Variants in NUB1 observed in about 807,000 individuals in gnomAD.
The protein encoded by NUB1 is NEDD8 ultimate buster 1.
A neutral mutation model predicts 77.1 loss-of-function variants in NUB1; 41 were observed. That is an observed-to-expected ratio of 0.53 (90% CI 0.41 to 0.69). The LOEUF is 0.69. NUB1 is among the 30% of genes least tolerant of loss of function. NUB1 has a pLI of 0.00. For synonymous variants in NUB1, 257 were observed against 281.0 expected (o/e 0.91, Z 0.85); for missense variants, 643 against 743.8 (o/e 0.86, Z 1.58).
Position 151,377,069 on chromosome 7 carries a change from C to T in NUB1, c.1692C>T (p.Asp564=), listed in dbSNP as rs747335922. 2.9e-5 allele frequency: 46 copies of T among 1,565,408 alleles called. No individual in the cohort carries two copies. Among genetic ancestry groups the T allele is most frequent in the Non-Finnish European group, 3.8e-5 (44 of 1,157,612 alleles). The change falls in exon 15 of 15, where the codon GAC becomes GAT. Residue 564 remains aspartate (D), a synonymous_variant. Transcript: ENST00000568733. Reference sequence around the variant, plus strand: ...TAGGAACCTCTAGTGCCTCAACAGACGAAGACATGGAGACAGAGGCCGTCA... The same window carrying T: ...TAGGAACCTCTAGTGCCTCAACAGATGAAGACATGGAGACAGAGGCCGTCA... ...DSAGTSSAST[D]EDMETEAVNE... is the part of the protein sequence containing the mutation.
At chr7:151,351,231 C>T (rs974575123) in intron 3 of NUB1, 193 bp from the exon 4 acceptor site, 1 of 567,842 alleles carries the variant, frequency 1.8e-6, no homozygotes, top group African/African-American at 1.9e-5. Flanking sequence ...GCTGCCGCCC[C>T]CTTGAGGACG....
In NUB1 at chr7:151,356,143, T is replaced by C. The variant is rs1386746091; in HGVS notation, c.614T>C (p.Val205Ala). 2 of 1,613,648 alleles carry C rather than the reference T, an allele frequency of 1.2e-6. No homozygotes were observed. Among genetic ancestry groups the C allele is most frequent in the African/African-American group, 1.3e-5 (1 of 74,934 alleles). ...ILAKRAAETV[V>A]DPEMTPYLDI... ...TTTGTTACAGCAGCAGAGACAGTGGTGGATCCAGAAATGACACCGTACTTA... is the reference window on the plus strand; with the variant it reads ...TTTGTTACAGCAGCAGAGACAGTGGCGGATCCAGAAATGACACCGTACTTA... Residue 205 changes from valine to alanine, a missense_variant, in exon 7 of 15, where the codon GTG (valine) becomes GCG (alanine). Val to Ala is a moderately conservative substitution (Grantham distance 64). Transcript: ENST00000568733.
At chr7:151,367,523 G>C (rs911410373) in intron 9 of NUB1, among the ~76,000 whole-genome samples, 2 of 152,160 alleles carry the variant, frequency 1.3e-5, no homozygotes, top group African/African-American at 2.4e-5. Context: ...GGATTTTTCT[G>C]ATTTCCCCAA....
intron 12 of NUB1, among the ~76,000 whole-genome samples, chr7:151,375,470 C>T (rs563856433): frequency 5.3e-5 from 8 of 152,200 alleles, no homozygotes; most frequent in Non-Finnish European, 1.2e-4. Flanking sequence ...AACCCTACTA[C>T]CTGCCTGACA....
At chr7:151,373,702 G>A (rs77294339) in intron 11 of NUB1, among the ~76,000 whole-genome samples, 4,432 of 152,270 alleles carry the variant, frequency 0.029, 89 homozygotes, top group Non-Finnish European at 0.048. Flanking sequence ...CCTTCCCACC[G>A]CGTGCAGAAG....
chr7:151,366,874 G>A, intron 8 of NUB1, 65 bp from the exon 9 acceptor site: 2 of 1,338,168 alleles, frequency 1.5e-6, no homozygotes, highest in Non-Finnish European at 2.0e-6. Flanking sequence ...TCACAAAAAG[G>A]TTTCAAATGC....
chr7:151,374,982 T>A (rs1460636034), intron 12 of NUB1, among the ~76,000 whole-genome samples: 1 of 121,152 alleles, frequency 8.3e-6, no homozygotes, highest in Non-Finnish European at 1.7e-5. Flanking sequence ...GGAAGCAGAG[T>A]GGTAGGAGCT....
intron 11 of NUB1, among the ~76,000 whole-genome samples, chr7:151,373,071 C>T (rs990324572): frequency 1.3e-5 from 2 of 152,090 alleles, no homozygotes; most frequent in Non-Finnish European, 1.5e-5. Context: ...GAGATGAGGC[C>T]GCTTTCCTGC....
intron 3 of NUB1, 196 bp from the exon 4 acceptor site, chr7:151,351,228 C>A: frequency 1.8e-6 from 1 of 560,350 alleles, no homozygotes; most frequent in Non-Finnish European, 3.2e-6. Context: ...CACGCTGCCG[C>A]CCCCTTGAGG....
intron 3 of NUB1, 177 bp from the exon 4 acceptor site, chr7:151,351,247 G>A (rs1330520459): frequency 3.3e-6 from 2 of 600,500 alleles, no homozygotes; most frequent in Non-Finnish European, 5.9e-6. Context: ...GGACGTGCAG[G>A]TCACAGGGTC....
intron 2 of NUB1, among the ~76,000 whole-genome samples, chr7:151,348,464 C>G (rs1031562227): frequency 8.6e-5 from 13 of 151,314 alleles, no homozygotes; most frequent in African/African-American, 2.9e-4. Flanking sequence ...TAAGTCATAG[C>G]CCACCCTTTT....
chr7:151,351,015 A>G (rs1243156586), intron 3 of NUB1: 4 of 236,920 alleles, frequency 1.7e-5, no homozygotes, highest in South Asian at 1.4e-4. Context: ...GTACTGCACT[A>G]TCCCATTTAT....
Position 151,343,333 on chromosome 7 carries a change from A to G in NUB1, c.-3+1487A>G, listed in dbSNP as rs528815334. 2.6e-5 allele frequency among the ~76,000 whole-genome samples: 4 copies of G among 152,332 alleles called. No homozygotes were observed. In the South Asian group the frequency reaches 8.3e-4, roughly 32 times the overall value. On this transcript the variant is annotated intron_variant, in intron 1 of 14. Coordinates refer to ENST00000568733, the MANE Select transcript of NUB1 (RefSeq NM_001243351.2). ...GCCTAATTCTTGTCCCCGCACTGAC[A>G]TAAAATAGATTTGAACTTTCTTTTA... is the stretch of plus-strand genomic sequence containing the variant.
chr7:151,373,243 G>A (rs567834939), intron 11 of NUB1, among the ~76,000 whole-genome samples: 1 of 152,328 alleles, frequency 6.6e-6, no homozygotes, highest in African/African-American at 2.4e-5. Context: ...TTTGTTGAAA[G>A]CTTTCTGTCT....
chr7:151,366,367 AG>A (rs1797682773), intron 8 of NUB1, among the ~76,000 whole-genome samples: 1 of 152,132 alleles, frequency 6.6e-6, no homozygotes, highest in African/African-American at 2.4e-5. Context: ...AGGCATTCAT[AG>A]TACGTAGGGA....
At chr7:151,375,741 G>A in intron 12 of NUB1, 107 bp from the exon 13 acceptor site, 1 of 730,426 alleles carries the variant, frequency 1.4e-6, no homozygotes. Flanking sequence ...CTGCCTCATA[G>A]CAGCAGAGGA....
At chr7:151,344,903 T>C (rs193047159) in intron 1 of NUB1, among the ~76,000 whole-genome samples, 1 of 152,004 alleles carries the variant, frequency 6.6e-6, no homozygotes, top group South Asian at 2.1e-4. Flanking sequence ...GGGAGGCTGA[T>C]GCAGGGGAAT....
At position 151,377,248 on chromosome 7, in the gene NUB1, AT is replaced by A. The variant is rs1206210266; in HGVS notation, c.*27del. On this transcript the variant is annotated 3_prime_UTR_variant, in exon 15 of 15. Transcript: ENST00000568733. Reference sequence around the variant, plus strand: ...TAAATAATGAACAGAAATAGCGCTAATTTTCTGCTTATAAATGCTATCATTA... The same window carrying A: ...TAAATAATGAACAGAAATAGCGCTAATTTCTGCTTATAAATGCTATCATTA... The A allele has an allele frequency of 7.1e-7, 1 of 1,410,188 alleles. No individual in the cohort carries two copies. Among genetic ancestry groups the A allele is most frequent in the Admixed American group, 2.6e-5 (1 of 38,718 alleles). 87.4% of individuals were successfully genotyped at this position (1,410,188 alleles called of 1,614,324 possible).
intron 12 of NUB1, 100 bp downstream of exon 12, chr7:151,374,343 T>C (rs1177952900): frequency 2.1e-6 from 3 of 1,408,746 alleles, no homozygotes; most frequent in African/African-American, 2.8e-5. Context: ...CTCACTCCTA[T>C]GGGCTGCCCC....
Sources: gnomAD v4.1 joint callset for allele counts (sites outside exome capture counted in the v4.1 genomes callset) on GRCh38, gnomAD v4.1.1 for gene constraint, MANE v1.5 for transcripts, NCBI Gene and HGNC (gene_info 2026-07-23, HGNC 2026-07-21) for gene names.